JAK2: variants seen among roughly 807,000 people sequenced by gnomAD.
JAK2 encodes Janus kinase 2, also known as tyrosine-protein kinase JAK2.
Under a neutral mutation model 139.3 loss-of-function variants are expected in JAK2, and 86 were observed. That is an observed-to-expected ratio of 0.62 (90% CI 0.52 to 0.74). The LOEUF (loss-of-function observed/expected upper bound fraction) is 0.74. JAK2 is among the 30% of genes least tolerant of loss of function. The pLI is 0.00. For synonymous variants in JAK2, 490 were observed against 437.7 expected (o/e 1.12, Z -1.49); for missense variants, 1,421 against 1,360.3 (o/e 1.04, Z -0.70).
At chr9:5,080,089 G>C in intron 16 of JAK2, 140 bp from the exon 17 acceptor site, 1 of 592,104 alleles carries the variant, frequency 1.7e-6, no homozygotes, top group Non-Finnish European at 2.9e-6. Flanking sequence ...GCAGTCATGT[G>C]CATGTGCACA....
At chr9:5,065,209 G>T (rs1818483538) in intron 9 of JAK2, among the ~76,000 whole-genome samples, 169 bp downstream of exon 9, 1 of 152,106 alleles carries the variant, frequency 6.6e-6, no homozygotes, top group Non-Finnish European at 1.5e-5. Flanking sequence ...ATTATTTAGT[G>T]TATAATTTAC....
At chr9:5,058,126 T>C (rs1817896743) in intron 8 of JAK2, among the ~76,000 whole-genome samples, 2 of 152,192 alleles carry the variant, frequency 1.3e-5, no homozygotes, top group Admixed American at 6.5e-5. Flanking sequence ...TTTTTGACAA[T>C]TGTGAGTAAT....
At chr9:5,012,721 T>A (rs1821781949) in intron 2 of JAK2, among the ~76,000 whole-genome samples, 1 of 152,208 alleles carries the variant, frequency 6.6e-6, no homozygotes, top group Non-Finnish European at 1.5e-5. Context: ...GCAGATGAGG[T>A]TCTTTGTTGA....
At chr9:5,073,852 C>G in intron 14 of JAK2, 67 bp downstream of exon 14, 1 of 1,052,598 alleles carries the variant, frequency 9.5e-7, no homozygotes, top group Non-Finnish European at 1.4e-6. Context: ...ATAGAAAATT[C>G]AGTTTCAGGA....
rs1057520016 is a variant in JAK2, at chr9:5,089,726, C to G, written c.2624C>G (p.Thr875Ser). ...MCRYDPLQDN[T>S]GEVVAVKKLQ... ...CGGTATGACCCTCTACAGGACAACA[C>G]TGGGGAGGTGGTCGCTGTAAAAAAG... The change falls in exon 20 of 25, where the codon ACT becomes AGT. Residue 875 changes from threonine (T) to serine (S), a missense_variant. Physicochemically the swap from Thr to Ser is moderately conservative, Grantham distance 58. Transcript: ENST00000381652. The G allele has an allele frequency of 6.3e-7, 1 of 1,578,262 alleles. No individual in the cohort carries two copies. Among genetic ancestry groups the G allele is most frequent in the South Asian group, 1.2e-5 (1 of 86,182 alleles).
intron 22 of JAK2, chr9:5,094,352 A>G (rs997346199): frequency 2.6e-5 from 4 of 151,962 alleles, no homozygotes; most frequent in African/African-American, 4.8e-5. Flanking sequence ...CCTATACCCC[A>G]TCCCCTAATT....
At chr9:5,039,740 A>G (rs1010467040) in intron 4 of JAK2, among the ~76,000 whole-genome samples, 2 of 152,164 alleles carry the variant, frequency 1.3e-5, no homozygotes. Flanking sequence ...TAACAATAGC[A>G]TAACAAATTT....
At chr9:5,051,257 A>G (rs184955164) in intron 6 of JAK2, among the ~76,000 whole-genome samples, 101 of 152,326 alleles carry the variant, frequency 6.6e-4, no homozygotes, top group African/African-American at 2.3e-3. Flanking sequence ...CATAGGTATT[A>G]AATATCTATT....
chr9:5,033,812 C>G (rs549824949), intron 4 of JAK2, among the ~76,000 whole-genome samples: 186 of 152,250 alleles, frequency 1.2e-3, no homozygotes, highest in Non-Finnish European at 2.3e-3. Context: ...ACCATCGAGG[C>G]TAGGAAGAAA....
At chr9:5,041,849 C>G (rs1213290979) in intron 4 of JAK2, 50 of 469,270 alleles carry the variant, frequency 1.1e-4, no homozygotes, top group South Asian at 5.1e-4. Flanking sequence ...GGGAGCTGAA[C>G]GCGGACGACC....
chr9:4,986,229 A>AT (rs1349630073), intron 2 of JAK2, among the ~76,000 whole-genome samples: 3 of 152,106 alleles, frequency 2.0e-5, no homozygotes, highest in Admixed American at 1.3e-4. Flanking sequence ...TTTAAGAAAC[A>AT]TTTTTTTGTT....
rs1586772164 is a variant in JAK2 at position 5,090,588 on chromosome 9, TA to T, written c.2886+19del. On this transcript the variant is annotated intron_variant, in intron 21 of 24. Transcript: ENST00000381652. ...TATGCAAGGTAACTAATATCCTGAT[TA>T]TTTGCTGTAGATGAAGCAACCGTGT... 3.9e-6 allele frequency: 6 copies of T among 1,553,356 alleles called. No individual in the cohort carries two copies. Among genetic ancestry groups the T allele is most frequent in the Non-Finnish European group, 8.7e-7 (1 of 1,152,746 alleles).
At chr9:5,068,861 TTGAGGAACTAA>T (rs1387908477) in intron 10 of JAK2, among the ~76,000 whole-genome samples, 150 bp from the exon 11 acceptor site, 1 of 152,212 alleles carries the variant, frequency 6.6e-6, no homozygotes, top group Non-Finnish European at 1.5e-5. Context: ...AATTGCCCTT[TTGAGGAACTAA>T]GTACTTCTAT....
At chr9:5,043,439 GACAA>G (rs941875016) in intron 4 of JAK2, among the ~76,000 whole-genome samples, 1 of 152,160 alleles carries the variant, frequency 6.6e-6, no homozygotes, top group Non-Finnish European at 1.5e-5. Flanking sequence ...AAATCAGAAA[GACAA>G]ACAATAACAA....
intron 2 of JAK2, among the ~76,000 whole-genome samples, chr9:5,000,257 G>C (rs1215901700): frequency 6.6e-6 from 1 of 151,920 alleles, no homozygotes; most frequent in African/African-American, 2.4e-5. Context: ...GTTTAGAAAG[G>C]AGGTACATAA....
chr9:4,993,020 T>C (rs1820347933), intron 2 of JAK2, among the ~76,000 whole-genome samples: 1 of 152,224 alleles, frequency 6.6e-6, no homozygotes, highest in South Asian at 2.1e-4. Flanking sequence ...TTTCTGAGCT[T>C]GCTTCCTGCC....
intron 22 of JAK2, among the ~76,000 whole-genome samples, chr9:5,092,985 A>T (rs1820702775): frequency 6.6e-6 from 1 of 152,216 alleles, no homozygotes; most frequent in Non-Finnish European, 1.5e-5. Context: ...CCAACAATTA[A>T]GAAAGTGTTC....
At chr9:5,093,817 C>T (rs145367049) in intron 22 of JAK2, among the ~76,000 whole-genome samples, 65 of 152,142 alleles carry the variant, frequency 4.3e-4, no homozygotes, top group African/African-American at 1.3e-3. Flanking sequence ...ATGGTGTAGC[C>T]GCTATTAAGG....
chr9:5,109,128 A>T (rs1282405243), intron 22 of JAK2: 2 of 152,016 alleles, frequency 1.3e-5, no homozygotes, highest in Non-Finnish European at 2.9e-5. Flanking sequence ...ACTAATTACA[A>T]CCCTCTACTC....
Sources: gnomAD v4.1 joint callset for allele counts (sites outside exome capture counted in the v4.1 genomes callset) on GRCh38, gnomAD v4.1.1 for gene constraint, MANE v1.5 for transcripts, NCBI Gene and HGNC (gene_info 2026-07-23, HGNC 2026-07-21) for gene names.